Variants in PXMP4 observed in about 807,000 individuals in gnomAD.
PXMP4 encodes 24 kDa peroxisomal intrinsic membrane protein.
Under a neutral mutation model 21.6 loss-of-function variants are expected in PXMP4, and 16 were observed. The observed-to-expected ratio is 0.74, with a 90% confidence interval of 0.50 to 1.13. The LOEUF (loss-of-function observed/expected upper bound fraction) is 1.13, where lower values mean the gene tolerates loss of function less well. PXMP4 is among the 50% of genes most tolerant of loss of function. The pLI, the probability that PXMP4 is intolerant of heterozygous loss-of-function variation, is 0.00. For missense variants in PXMP4, 240 were observed against 277.7 expected (o/e 0.86, Z 0.96); for synonymous variants, 127 against 123.8 (o/e 1.03, Z -0.17).
chr20:33,720,123 C>A lies in PXMP4; in HGVS notation c.85G>T (p.Val29Leu). Residue 29 changes from valine (V) to leucine (L), a missense_variant, in exon 1 of 4, where the codon GTG becomes TTG. By Grantham distance (32) the Val-to-Leu change is conservative. Transcript: ENST00000409299. ...GCCCCGTTCCGGAAGCCCTTAAGCACGGCCAACGCAGCGTGGTAGCGGCGC... is the reference window on the plus strand; with the variant it reads ...GCCCCGTTCCGGAAGCCCTTAAGCAAGGCCAACGCAGCGTGGTAGCGGCGC... ...RKRRYHAALA[V>L]LKGFRNGAVY... The A allele has an allele frequency of 3.1e-6, 5 of 1,613,714 alleles. No homozygotes were observed. Among genetic ancestry groups the A allele is most frequent in the Non-Finnish European group, 4.2e-6 (5 of 1,179,906 alleles).
Position 33,706,899 on chromosome 20 carries a change from CTTTT to C in PXMP4, c.*803_*806del, listed in dbSNP as rs1053239416. 1 of 149,136 alleles carries C rather than the reference CTTTT, an allele frequency of 6.7e-6. No homozygotes were observed. Among genetic ancestry groups the C allele is most frequent in the Non-Finnish European group, 1.5e-5 (1 of 67,088 alleles). 9.2% of individuals were successfully genotyped at this position (149,136 alleles called of 1,614,324 possible). A position where few individuals can be genotyped will look rare whatever the true frequency, so the allele number is the denominator to read the frequency against. On this transcript the variant is annotated 3_prime_UTR_variant, in exon 4 of 4. Coordinates refer to ENST00000409299, the MANE Select transcript of PXMP4 (RefSeq NM_007238.5). The stretch of plus-strand genomic sequence containing the variant: ...AATATATAGTGAAGATTAATCTCAC[CTTTT>C]TTTTTTCTTTGGTGAGACAGGGTCT...
In PXMP4 at chr20:33,704,857, G is replaced by A. The variant is rs1178734815; in HGVS notation, c.*2849C>T. On this transcript the variant is annotated 3_prime_UTR_variant, in exon 4 of 4. Transcript: ENST00000409299. Reference sequence around the variant, plus strand: ...GTGACTCCTGCATACATTTCTACTAGTAACTTCTAAAATATAGAAAGAGTG... The same window carrying A: ...GTGACTCCTGCATACATTTCTACTAATAACTTCTAAAATATAGAAAGAGTG... The A allele has an allele frequency of 1.3e-5, 2 of 152,076 alleles. No homozygotes were observed. Among genetic ancestry groups the A allele is most frequent in the Non-Finnish European group, 2.9e-5 (2 of 68,042 alleles). 9.4% of individuals were successfully genotyped at this position (152,076 alleles called of 1,614,324 possible).
intron 1 of PXMP4, among the ~76,000 whole-genome samples, chr20:33,716,375 GCTCCTGGCTTTGGC>G (rs1422274617): frequency 6.6e-6 from 1 of 152,056 alleles, no homozygotes; most frequent in East Asian, 1.9e-4. Context: ...GTTCTTCTCT[GCTCCTGGCTTTGGC>G]CTGGCAGTTC....
intron 3 of PXMP4, among the ~76,000 whole-genome samples, chr20:33,709,882 C>T (rs1404217084): frequency 7.1e-6 from 1 of 141,822 alleles, no homozygotes; most frequent in Non-Finnish European, 1.5e-5. Context: ...GGCCCCTTCC[C>T]CCACTCCCAC....
rs1326812420 is a variant in PXMP4, at chr20:33,705,588, G to A, written c.*2118C>T. On this transcript the variant is annotated 3_prime_UTR_variant, in exon 4 of 4. Transcript: ENST00000409299. Reference sequence around the variant, plus strand: ...CCACTGCACTCCAGCCTGGGCGAGAGAGCAAGACTCTGTCTCAAAAAAAAA... The same window carrying A: ...CCACTGCACTCCAGCCTGGGCGAGAAAGCAAGACTCTGTCTCAAAAAAAAA... The A allele has an allele frequency of 6.8e-6, 1 of 147,162 alleles. No individual in the cohort carries two copies. The highest frequency in any genetic ancestry group is 1.5e-5 in the Non-Finnish European group (1 of 67,316). The allele number at this position is 147,162 out of a possible 1,614,324, so 9.1% of individuals were successfully genotyped here. A position where few individuals can be genotyped will look rare whatever the true frequency, so the allele number is the denominator to read the frequency against.
chr20:33,714,826 C>G (rs1297154170), intron 1 of PXMP4, 90 bp from the exon 2 acceptor site: 9 of 1,293,560 alleles, frequency 7.0e-6, no homozygotes, highest in Non-Finnish European at 1.0e-5. Context: ...TCTCTCCCCC[C>G]ATCCCAAATT....
intron 3 of PXMP4, among the ~76,000 whole-genome samples, chr20:33,709,859 C>G (rs547525011): frequency 3.0e-5 from 4 of 131,642 alleles, no homozygotes; most frequent in African/African-American, 1.2e-4. Flanking sequence ...ACCCCCACCT[C>G]TACACGGAAC....
chr20:33,707,439 G>T lies in PXMP4; in HGVS notation c.*267C>A, dbSNP rs887362009. The T allele has an allele frequency of 3.9e-5, 18 of 464,434 alleles. No individual in the cohort carries two copies. The highest frequency in any genetic ancestry group is 5.8e-5 in the Non-Finnish European group (15 of 257,454). 28.8% of individuals were successfully genotyped at this position (464,434 alleles called of 1,614,324 possible). A position where few individuals can be genotyped will look rare whatever the true frequency, so the allele number is the denominator to read the frequency against. On this transcript the variant is annotated 3_prime_UTR_variant, in exon 4 of 4. Transcript: ENST00000409299. ...TGAGCTCCTTGACCCCTGAGGCCTAGAGAGTAGTGTGGCTGGCCCCAGTCT... is the reference window on the plus strand; with the variant it reads ...TGAGCTCCTTGACCCCTGAGGCCTATAGAGTAGTGTGGCTGGCCCCAGTCT...
rs2018270600 is a variant in PXMP4 at position 33,707,533 on chromosome 20, C to T, written c.*173G>A. 1 of 956,678 alleles carries T rather than the reference C, an allele frequency of 1.0e-6. No homozygotes were observed. The highest frequency in any genetic ancestry group is 2.9e-5 in the Admixed American group (1 of 34,116). The allele number at this position is 956,678 out of a possible 1,614,324, so 59.3% of individuals were successfully genotyped here. ...CAGCCTGATTCGGCCACTTGTGCCA[C>T]CATACAAAGGTACCCACTGGGATTT... On this transcript the variant is annotated 3_prime_UTR_variant, in exon 4 of 4. Coordinates refer to ENST00000409299, the MANE Select transcript of PXMP4 (RefSeq NM_007238.5).
chr20:33,710,873 G>A (rs913314106), intron 2 of PXMP4, 120 bp from the exon 3 acceptor site: 12 of 978,494 alleles, frequency 1.2e-5, no homozygotes, highest in African/African-American at 5.0e-5. Context: ...TTCAGTCACC[G>A]GCCTCTACCC....
intron 1 of PXMP4, 131 bp downstream of exon 1, chr20:33,719,964 C>A: frequency 1.2e-6 from 1 of 837,384 alleles, no homozygotes; most frequent in Non-Finnish European, 1.9e-6. Context: ...CAGATGGTGA[C>A]CTCCGAGACT....
chr20:33,708,879 G>A (rs971233220), intron 3 of PXMP4, among the ~76,000 whole-genome samples: 3 of 151,822 alleles, frequency 2.0e-5, no homozygotes, highest in Non-Finnish European at 4.4e-5. Context: ...AATGGAAATG[G>A]GATTACCGGC....
chr20:33,719,803 T>C (rs1378153209), intron 1 of PXMP4, among the ~76,000 whole-genome samples: 1 of 152,050 alleles, frequency 6.6e-6, no homozygotes, highest in Non-Finnish European at 1.5e-5. Context: ...TGAGGTGAAC[T>C]GAACCCAAAT....
At chr20:33,710,164 T>TC (rs572564024) in intron 3 of PXMP4, among the ~76,000 whole-genome samples, 268 of 107,460 alleles carry the variant, frequency 2.5e-3, no homozygotes, top group Non-Finnish European at 4.2e-3. Flanking sequence ...CCACGCCCTT[T>TC]CCCCACTCCT....
At chr20:33,717,360 G>T (rs1214703172) in intron 1 of PXMP4, among the ~76,000 whole-genome samples, 3 of 151,878 alleles carry the variant, frequency 2.0e-5, no homozygotes, top group African/African-American at 4.8e-5. Context: ...AATATTTTAG[G>T]CCGGGCGCGG....
chr20:33,712,067 A>C (rs2018333106), intron 2 of PXMP4, among the ~76,000 whole-genome samples: 2 of 152,042 alleles, frequency 1.3e-5, no homozygotes, highest in African/African-American at 4.8e-5. Flanking sequence ...CAGGAATGGC[A>C]AACTCAGGTG....
rs772158398 is a variant in PXMP4, at chr20:33,705,604, CAAA to C, written c.*2099_*2101del. 1.1e-4 allele frequency: 11 copies of C among 101,402 alleles called. No homozygotes were observed. Among genetic ancestry groups the C allele is most frequent in the Admixed American group, 2.1e-4 (2 of 9,370 alleles). 6.3% of individuals were successfully genotyped at this position (101,402 alleles called of 1,614,324 possible). A position where few individuals can be genotyped will look rare whatever the true frequency, so the allele number is the denominator to read the frequency against. On this transcript the variant is annotated 3_prime_UTR_variant, in exon 4 of 4. Transcript: ENST00000409299. Reference sequence around the variant, plus strand: ...TGGGCGAGAGAGCAAGACTCTGTCTCAAAAAAAAAAAAAAAAGAAAAAATCAGA... The same window carrying C: ...TGGGCGAGAGAGCAAGACTCTGTCTCAAAAAAAAAAAAAGAAAAAATCAGA...
chr20:33,717,947 T>A (rs908595734), intron 1 of PXMP4, among the ~76,000 whole-genome samples: 3 of 152,198 alleles, frequency 2.0e-5, no homozygotes, highest in African/African-American at 4.8e-5. Context: ...TTTTACAGAA[T>A]GGCTTTTGGC....
At chr20:33,717,015 A>C (rs572776780) in intron 1 of PXMP4, among the ~76,000 whole-genome samples, 1 of 152,208 alleles carries the variant, frequency 6.6e-6, no homozygotes, top group South Asian at 2.1e-4. Flanking sequence ...TCTCTACTAA[A>C]AATACTACAA....
Sources: allele counts gnomAD v4.1 joint callset (sites outside exome capture counted in the v4.1 genomes callset), GRCh38; gene constraint gnomAD v4.1.1; transcripts MANE v1.5; gene names NCBI Gene and HGNC (gene_info 2026-07-23, HGNC 2026-07-21).